Variants in FCHSD2 observed in about 807,000 individuals in gnomAD.
The protein encoded by FCHSD2 is F-BAR and double SH3 domains protein 2.
A neutral mutation model predicts 108.1 loss-of-function variants in FCHSD2; 38 were observed. The observed-to-expected ratio is 0.35, with a 90% CI of 0.27 to 0.46. FCHSD2 has a LOEUF of 0.46. Among genes scored for constraint, FCHSD2 ranks in the 20% least tolerant of loss-of-function variants. FCHSD2 has a pLI of 1.00. For synonymous variants in FCHSD2, 279 were observed against 314.7 expected, an observed-to-expected ratio of 0.89 and a Z score of 1.20; for missense variants, 751 against 897.8, an observed-to-expected ratio of 0.84 and a Z score of 2.09.
In FCHSD2 at chr11:72,838,533, GC is replaced by G. The variant is rs1860801665; in HGVS notation, c.*257del. Reference sequence around the variant, plus strand: ...CAGACCACTGTTAGGCATGAGGGCTGCCCCCCTCTTTGCTCCTAGGGTCCGC... The same window carrying G: ...CAGACCACTGTTAGGCATGAGGGCTGCCCCCTCTTTGCTCCTAGGGTCCGC... On this transcript the variant is annotated 3_prime_UTR_variant, in exon 20 of 20. Coordinates refer to ENST00000409418, the MANE Select transcript of FCHSD2 (RefSeq NM_014824.3). The G allele has an allele frequency of 5.7e-6, 3 of 528,076 alleles. No homozygotes were observed. The highest frequency in any genetic ancestry group is 2.1e-5 in the South Asian group (1 of 46,858). 32.7% of individuals were successfully genotyped at this position (528,076 alleles called of 1,614,324 possible).
intron 3 of FCHSD2, among the ~76,000 whole-genome samples, chr11:73,075,120 C>A (rs1234268347): frequency 1.3e-5 from 2 of 152,106 alleles, no homozygotes; most frequent in Non-Finnish European, 2.9e-5. Context: ...CATATATTCA[C>A]CAGAAAGGCT....
chr11:72,962,417 C>T lies in FCHSD2; in HGVS notation c.705+21671G>A, dbSNP rs189325945. Among the ~76,000 whole-genome samples the T allele has an allele frequency of 6.5e-4, 99 of 152,240 alleles. 2 individuals are homozygous for T. In the East Asian group the frequency reaches 0.016, roughly 25 times the overall value. ...TACATCAACAAAAGCTCTTTGATTC[C>T]TCAATAATTTTTAAGAGTGTAAAGA... On this transcript the variant is annotated intron_variant, in intron 8 of 19. Transcript: ENST00000409418.
At chr11:72,888,770 GC>G (rs1855252562) in intron 11 of FCHSD2, among the ~76,000 whole-genome samples, 1 of 151,644 alleles carries the variant, frequency 6.6e-6, no homozygotes, top group Non-Finnish European at 1.5e-5. Flanking sequence ...ATAGGTGTGC[GC>G]CCCCATGCCC....
At chr11:73,003,642 A>G (rs1321357485) in intron 4 of FCHSD2, among the ~76,000 whole-genome samples, 3 of 150,844 alleles carry the variant, frequency 2.0e-5, no homozygotes, top group African/African-American at 7.3e-5. Context: ...GCCCGCCACT[A>G]CGCCCGGCTA....
At chr11:73,038,569 G>A (rs1418611241) in intron 3 of FCHSD2, among the ~76,000 whole-genome samples, 2 of 152,052 alleles carry the variant, frequency 1.3e-5, no homozygotes, top group East Asian at 1.9e-4. Flanking sequence ...AGCTGGCAAC[G>A]ATTATCCTAA....
intron 12 of FCHSD2, among the ~76,000 whole-genome samples, chr11:72,880,426 C>T (rs564586411): frequency 6.6e-6 from 1 of 152,068 alleles, no homozygotes. Context: ...TGGAACAGAA[C>T]AGACATCCCA....
intron 3 of FCHSD2, among the ~76,000 whole-genome samples, chr11:73,067,442 G>A (rs569150467): frequency 1.3e-4 from 19 of 151,582 alleles, no homozygotes; most frequent in South Asian, 8.4e-4. Context: ...ACAAAACTGC[G>A]CGTTCTGCAC....
chr11:72,930,659 T>C (rs1591408307), intron 8 of FCHSD2, among the ~76,000 whole-genome samples: 1 of 152,084 alleles, frequency 6.6e-6, no homozygotes, highest in Non-Finnish European at 1.5e-5. Context: ...GCATAAGAAT[T>C]GCTAGAACCT....
intron 2 of FCHSD2, among the ~76,000 whole-genome samples, chr11:73,104,120 C>T (rs542542028): frequency 6.6e-6 from 1 of 152,342 alleles, no homozygotes; most frequent in African/African-American, 2.4e-5. Flanking sequence ...TAGTTGCTGG[C>T]GGCTAACAGT....
At chr11:72,886,396 C>A (rs920551419) in intron 12 of FCHSD2, among the ~76,000 whole-genome samples, 15 of 152,156 alleles carry the variant, frequency 9.9e-5, no homozygotes, top group African/African-American at 3.6e-4. Flanking sequence ...CATCTGCCAG[C>A]ATTCATCTTA....
chr11:72,850,662 A>T (rs79069192), intron 13 of FCHSD2, among the ~76,000 whole-genome samples: 1 of 151,914 alleles, frequency 6.6e-6, no homozygotes, highest in Non-Finnish European at 1.5e-5. Context: ...CAGGACAGAG[A>T]TTTTTTTTAA....
chr11:72,870,750 AT>A (rs1165465570), intron 12 of FCHSD2, among the ~76,000 whole-genome samples: 2 of 151,942 alleles, frequency 1.3e-5, no homozygotes, highest in African/African-American at 4.8e-5. Flanking sequence ...AATACAAAAA[AT>A]TAGCTGGGCG....
intron 12 of FCHSD2, among the ~76,000 whole-genome samples, chr11:72,880,157 T>A (rs1249027943): frequency 6.6e-6 from 1 of 150,482 alleles, no homozygotes; most frequent in African/African-American, 2.5e-5. Flanking sequence ...AAGTGAAAGA[T>A]CTCTACAAGG....
intron 2 of FCHSD2, among the ~76,000 whole-genome samples, chr11:73,094,101 C>T (rs1411436511): frequency 1.3e-5 from 2 of 152,068 alleles, no homozygotes; most frequent in African/African-American, 4.8e-5. Context: ...ATCCCAGCTA[C>T]CCGGGAGGCT....
At chr11:73,109,010 T>C (rs1860417643) in intron 2 of FCHSD2, among the ~76,000 whole-genome samples, 1 of 152,350 alleles carries the variant, frequency 6.6e-6, no homozygotes, top group South Asian at 2.1e-4. Context: ...TCAATGTATG[T>C]TCTTTGCACC....
At chr11:72,953,522 A>G (rs144552217) in intron 8 of FCHSD2, among the ~76,000 whole-genome samples, 2 of 152,158 alleles carry the variant, frequency 1.3e-5, no homozygotes, top group Non-Finnish European at 2.9e-5. Context: ...TTTCAACCAC[A>G]TGAATTTATT....
chr11:73,082,336 A>AAC lies in FCHSD2; in HGVS notation c.165+1358_165+1359insGT, dbSNP rs1491119209. Among the ~76,000 whole-genome samples the AAC allele has an allele frequency of 1.1e-4, 4 of 35,776 alleles. No homozygotes were observed. The East Asian group carries it at 2.6e-3, about 23-fold the overall frequency. 23.5% of individuals were successfully genotyped at this position (35,776 alleles called of 152,430 possible). On this transcript the variant is annotated intron_variant, in intron 3 of 19. Transcript: ENST00000409418. ...TGGATCACAGAGTGAGACTTGTCCC[A>AAC]AAAAAAAAAAAAAAAAAAAAAAAAA...
chr11:72,991,625 T>C (rs1857417174), intron 5 of FCHSD2, among the ~76,000 whole-genome samples: 1 of 152,148 alleles, frequency 6.6e-6, no homozygotes, highest in Non-Finnish European at 1.5e-5. Flanking sequence ...TCAATAAACA[T>C]AATCCAGCAT....
At chr11:72,971,444 G>A (rs1418887709) in intron 8 of FCHSD2, among the ~76,000 whole-genome samples, 1 of 152,092 alleles carries the variant, frequency 6.6e-6, no homozygotes, top group East Asian at 1.9e-4. Context: ...GATTATCTGC[G>A]ATTACCTAAT....
Sources: gnomAD v4.1 joint callset for allele counts (sites outside exome capture counted in the v4.1 genomes callset) on GRCh38, gnomAD v4.1.1 for gene constraint, MANE v1.5 for transcripts, NCBI Gene and HGNC (gene_info 2026-07-23, HGNC 2026-07-21) for gene names.